Variants in PLPPR1 observed in about 807,000 individuals in gnomAD.
PLPPR1 encodes phospholipid phosphatase-related protein type 1.
PLPPR1 carries 10 observed loss-of-function variants against 33.1 expected under a neutral mutation model. The observed-to-expected ratio is 0.30, with a 90% confidence interval of 0.19 to 0.51. The LOEUF (loss-of-function observed/expected upper bound fraction) is 0.51. Ranked by LOEUF, PLPPR1 falls within the 20% of genes least tolerant of loss-of-function variation. The probability of loss-of-function intolerance (pLI) is 0.97; values close to 1 mark genes in which losing one functional copy is unlikely to be tolerated. For synonymous variants in PLPPR1, 151 were observed against 151.0 expected (o/e 1.00, Z 0.00); for missense variants, 304 against 408.1 (o/e 0.74, Z 2.20).
chr9:101,280,494 A>G (rs965012293), intron 3 of PLPPR1, among the ~76,000 whole-genome samples: 1 of 152,118 alleles, frequency 6.6e-6, no homozygotes, highest in South Asian at 2.1e-4. Flanking sequence ...AAAAAAGGAA[A>G]AGTACAGGCC....
intron 2 of PLPPR1, among the ~76,000 whole-genome samples, chr9:101,261,357 T>C (rs1827896724): frequency 6.6e-6 from 1 of 152,220 alleles, no homozygotes; most frequent in East Asian, 1.9e-4. Flanking sequence ...TTTTTTTAAC[T>C]AAGTATTATT....
rs1350798437 is a variant in PLPPR1, at chr9:101,152,904, A to G, written c.-45-32546A>G. Among the ~76,000 whole-genome samples, 5 of 152,096 alleles carry G rather than the reference A, an allele frequency of 3.3e-5. No homozygotes were observed. In the East Asian group the frequency reaches 9.6e-4, roughly 29 times the overall value. ...CGGGCTCTTTTTTGGTTCCATGTGA[A>G]CTTTAAAGTAGTTTTTTCCAATTCT... is the stretch of plus-strand genomic sequence containing the variant. On this transcript the variant is annotated intron_variant, in intron 1 of 7. Coordinates refer to ENST00000374874, the MANE Select transcript of PLPPR1 (RefSeq NM_207299.2).
At chr9:101,163,288 A>G (rs1210427975) in intron 1 of PLPPR1, among the ~76,000 whole-genome samples, 1 of 152,226 alleles carries the variant, frequency 6.6e-6, no homozygotes, top group African/African-American at 2.4e-5. Flanking sequence ...GGTAAGAACT[A>G]CAAATGCTGA....
chr9:101,033,776 A>G (rs1829976164), intron 1 of PLPPR1, among the ~76,000 whole-genome samples: 1 of 152,192 alleles, frequency 6.6e-6, no homozygotes, highest in South Asian at 2.1e-4. Context: ...AGCAGCTGAA[A>G]CAGAGAGGTC....
chr9:101,312,484 T>C (rs187924734), intron 5 of PLPPR1, among the ~76,000 whole-genome samples: 1 of 152,340 alleles, frequency 6.6e-6, no homozygotes, highest in East Asian at 1.9e-4. Flanking sequence ...TTTAAACTTG[T>C]CACATAAAAA....
intron 6 of PLPPR1, among the ~76,000 whole-genome samples, 172 bp downstream of exon 6, chr9:101,313,146 C>A (rs1171942794): frequency 6.6e-6 from 1 of 152,152 alleles, no homozygotes; most frequent in African/African-American, 2.4e-5. Flanking sequence ...TCAAAACACT[C>A]TTTCCTTTCA....
chr9:101,181,429 A>G (rs1826108324), intron 1 of PLPPR1, among the ~76,000 whole-genome samples: 1 of 150,944 alleles, frequency 6.6e-6, no homozygotes, highest in African/African-American at 2.4e-5. Context: ...CTAAGTATAT[A>G]ATTTATCATA....
chr9:101,043,409 A>G (rs1393224457), intron 1 of PLPPR1, among the ~76,000 whole-genome samples: 1 of 151,452 alleles, frequency 6.6e-6, no homozygotes, highest in Non-Finnish European at 1.5e-5. Flanking sequence ...ATACATATGT[A>G]TGTGTGTATA....
chr9:101,052,925 G>A (rs551393579), intron 1 of PLPPR1, among the ~76,000 whole-genome samples: 114 of 152,254 alleles, frequency 7.5e-4, no homozygotes, highest in Non-Finnish European at 1.3e-3. Context: ...CCTGTATTTC[G>A]CTATCTCACA....
chr9:101,246,964 A>G (rs1408253083), intron 2 of PLPPR1, among the ~76,000 whole-genome samples: 1 of 151,966 alleles, frequency 6.6e-6, no homozygotes, highest in Non-Finnish European at 1.5e-5. Context: ...AAGAGCAGTT[A>G]TGAACTCTCA....
At chr9:101,033,535 A>T (rs1293308022) in intron 1 of PLPPR1, among the ~76,000 whole-genome samples, 1 of 152,194 alleles carries the variant, frequency 6.6e-6, no homozygotes, top group African/African-American at 2.4e-5. Flanking sequence ...GCATTTAGCA[A>T]AATATAGGGA....
intron 1 of PLPPR1, among the ~76,000 whole-genome samples, chr9:101,048,461 A>C (rs1413792295): frequency 1.3e-5 from 2 of 152,152 alleles, no homozygotes; most frequent in Non-Finnish European, 2.9e-5. Context: ...CTTCTTACTG[A>C]GTCTCTTATA....
intron 1 of PLPPR1, among the ~76,000 whole-genome samples, chr9:101,094,571 A>G (rs1038956158): frequency 6.6e-6 from 1 of 152,172 alleles, no homozygotes; most frequent in Non-Finnish European, 1.5e-5. Flanking sequence ...ATTTTCCTAT[A>G]TCCCTCAAAA....
At chr9:101,052,750 C>T (rs1453145112) in intron 1 of PLPPR1, among the ~76,000 whole-genome samples, 1 of 152,076 alleles carries the variant, frequency 6.6e-6, no homozygotes, top group African/African-American at 2.4e-5. Flanking sequence ...ATGGCCAAGC[C>T]CAGTTTCAGG....
At chr9:101,057,197 C>T (rs1255401751) in intron 1 of PLPPR1, among the ~76,000 whole-genome samples, 1 of 152,102 alleles carries the variant, frequency 6.6e-6, no homozygotes, top group Non-Finnish European at 1.5e-5. Flanking sequence ...TGAAATAATA[C>T]ATTACTAGCA....
At chr9:101,246,648 C>T (rs941612365) in intron 2 of PLPPR1, among the ~76,000 whole-genome samples, 1 of 152,016 alleles carries the variant, frequency 6.6e-6, no homozygotes. Context: ...CTCTCAACAG[C>T]AAAAGAAAGT....
chr9:101,180,977 T>C (rs1826099825), intron 1 of PLPPR1, among the ~76,000 whole-genome samples: 1 of 151,424 alleles, frequency 6.6e-6, no homozygotes, highest in Non-Finnish European at 1.5e-5. Flanking sequence ...TTTTCAAACA[T>C]ACATCTGATG....
rs16919827 is a variant in PLPPR1 at position 101,094,270 on chromosome 9, C to T, written c.-46+65168C>T. On this transcript the variant is annotated intron_variant, in intron 1 of 7. Transcript: ENST00000374874. ...CTGGTTCTAACCTTCCTCTATAGCT[C>T]GCATTTTTTCTATTCTCTGTATAGT... Among the ~76,000 whole-genome samples, 2,493 of 152,208 alleles carry T rather than the reference C, an allele frequency of 0.016. 132 individuals carry two copies. In the South Asian group the frequency reaches 0.19, roughly 12 times the overall value.
At chr9:101,077,036 G>A (rs1830547358) in intron 1 of PLPPR1, among the ~76,000 whole-genome samples, 1 of 152,132 alleles carries the variant, frequency 6.6e-6, no homozygotes. Context: ...GTTACCTCTT[G>A]TCATATGTCC....
Sources: allele counts gnomAD v4.1 joint callset (sites outside exome capture counted in the v4.1 genomes callset), GRCh38; gene constraint gnomAD v4.1.1; transcripts MANE v1.5; gene names NCBI Gene and HGNC (gene_info 2026-07-23, HGNC 2026-07-21).